The following JRKL variants were observed in gnomAD, a reference collection of about 807,000 sequenced individuals.
JRKL encodes JRK like, also known as jerky protein homolog-like.
JRKL carries 25 observed loss-of-function variants against 34.7 expected under a neutral mutation model. That is an observed-to-expected ratio of 0.72 (90% CI 0.53 to 1.01). The LOEUF (loss-of-function observed/expected upper bound fraction) is 1.01. Ranked by LOEUF, JRKL falls within the 50% of genes least tolerant of loss-of-function variation. JRKL has a pLI of 0.00. For missense variants in JRKL, 495 were observed against 615.7 expected (o/e 0.80, Z 2.07); for synonymous variants, 204 against 212.8 (o/e 0.96, Z 0.36).
In JRKL at chr11:96,390,758, AT is replaced by A; in HGVS notation, c.111del (p.Ile37MetfsTer9). The A allele has an allele frequency of 6.2e-7, 1 of 1,613,820 alleles. No individual in the cohort carries two copies. Among genetic ancestry groups the A allele is most frequent in the Non-Finnish European group, 8.5e-7 (1 of 1,179,962 alleles). ...SSKQLAVIYGIGETTVRDIRK... is the reference protein window; with the variant it reads ...SSKQLAVIYGXGETTVRDIRK... ...CAAACAACTGGCAGTGATTTATGGA[AT>A]TGGTGAAACAACAGTTCGGGATATA... is the stretch of plus-strand genomic sequence containing the variant. On this transcript the variant is annotated frameshift_variant, in exon 2 of 2. Transcript: ENST00000332349. LOFTEE classifies it low-confidence loss of function (END_TRUNC).
chr11:96,392,031 G>C lies in JRKL; in HGVS notation c.1382G>C (p.Ser461Thr), dbSNP rs141876302. ...GCACAAGGCCAGGCAGATGAATCCA[G>C]TGAAAATGAGGAGGAGGAAATAGAA... ...RRAQGQADES[S>T]ENEEEEIELI... is the part of the protein sequence containing the mutation. The change falls in exon 2 of 2, where the codon AGT becomes ACT. Residue 461 changes from serine (S) to threonine (T), a missense_variant. Physicochemically the swap from Ser to Thr is moderately conservative, Grantham distance 58. Coordinates refer to ENST00000332349, the MANE Select transcript of JRKL (RefSeq NM_001261833.2). 1 of 1,613,886 alleles carries C rather than the reference G, an allele frequency of 6.2e-7. No homozygotes were observed. Among genetic ancestry groups the C allele is most frequent in the Non-Finnish European group, 8.5e-7 (1 of 1,179,990 alleles).
chr11:96,391,528 T>C lies in JRKL; in HGVS notation c.879T>C (p.Asn293=). 2.6e-6 allele frequency: 4 copies of C among 1,555,262 alleles called. No homozygotes were observed. In the South Asian group the frequency reaches 4.7e-5, roughly 18 times the overall value. ...AAAAGGCTGTGCTCTTGTTGGATAA[T>C]TCACCAACACATCCAAATGAAAATG... ...LQEKAVLLLD[N]SPTHPNENVL... is the part of the protein sequence containing the mutation. Residue 293 remains asparagine, a synonymous_variant, in exon 2 of 2, where the codon AAT becomes AAC. Coordinates refer to ENST00000332349, the MANE Select transcript of JRKL (RefSeq NM_001261833.2).
In JRKL at chr11:96,391,499, C is replaced by A; in HGVS notation, c.850C>A (p.Gln284Lys). The A allele has an allele frequency of 6.4e-7, 1 of 1,552,352 alleles. No homozygotes were observed. Among genetic ancestry groups the A allele is most frequent in the South Asian group, 1.2e-5 (1 of 84,266 alleles). ...AGAGTATTTAAGATCTAAAGGCTTGCAGGAAAAGGCTGTGCTCTTGTTGGA... is the reference window on the plus strand; with the variant it reads ...AGAGTATTTAAGATCTAAAGGCTTGAAGGAAAAGGCTGTGCTCTTGTTGGA... ...VREYLRSKGL[Q>K]EKAVLLLDNS... Residue 284 changes from glutamine to lysine, a missense_variant, in exon 2 of 2, where the codon CAG becomes AAG. Transcript: ENST00000332349.
chr11:96,392,062 T>C lies in JRKL; in HGVS notation c.1413T>C (p.Ile471=), dbSNP rs777476818. The C allele has an allele frequency of 1.2e-6, 2 of 1,613,946 alleles. No homozygotes were observed. The highest frequency in any genetic ancestry group is 1.7e-6 in the Non-Finnish European group (2 of 1,179,990). ...ATGAGGAGGAGGAAATAGAACTAAT[T>C]CCAGAGAAACATATTAATCATGCAG... ...SENEEEEIEL[I]PEKHINHAAA... Residue 471 remains isoleucine (I), a synonymous_variant, in exon 2 of 2, where the codon ATT becomes ATC. Transcript: ENST00000332349.
rs559125732 is a variant in JRKL, at chr11:96,393,234, A to G, written c.*1010A>G. On this transcript the variant is annotated 3_prime_UTR_variant, in exon 2 of 2. Coordinates refer to ENST00000332349, the MANE Select transcript of JRKL (RefSeq NM_001261833.2). ...TTGATGAGAAAAGGAAATTACAATA[A>G]TAAAGTTTTATGATTTTAAATAAGT... The G allele has an allele frequency of 1.8e-5, 3 of 166,788 alleles. No homozygotes were observed. In the South Asian group the frequency reaches 6.2e-4, roughly 35 times the overall value. The allele number at this position is 166,788 out of a possible 1,614,324, so 10.3% of individuals were successfully genotyped here. A position where few individuals can be genotyped will look rare whatever the true frequency, so the allele number is the denominator to read the frequency against.
chr11:96,391,369 T>C lies in JRKL; in HGVS notation c.720T>C (p.Thr240=). The stretch of plus-strand genomic sequence containing the variant: ...AGAAACCTCGCTCCTTTAAATCAAC[T>C]GACACCTTAAACCTGCCAGTCTCTT... ...KAKKPRSFKS[T]DTLNLPVSYF... The change falls in exon 2 of 2, where the codon ACT becomes ACC. Residue 240 remains threonine (T), a synonymous_variant. Transcript: ENST00000332349. 1 of 1,551,692 alleles carries C rather than the reference T, an allele frequency of 6.4e-7. No individual in the cohort carries two copies. Among genetic ancestry groups the C allele is most frequent in the Non-Finnish European group, 8.7e-7 (1 of 1,146,992 alleles).
chr11:96,390,501 C>G lies in JRKL; in HGVS notation c.-149C>G, dbSNP rs1866497034. The G allele has an allele frequency of 1.9e-5, 18 of 961,188 alleles. 1 individual carries two copies. In the South Asian group the frequency reaches 4.0e-4, roughly 21 times the overall value. 59.5% of individuals were successfully genotyped at this position (961,188 alleles called of 1,614,324 possible). ...TCTGCAGTCTATTTGCCAGCCAACC[C>G]CAGCCCGGGAGGGGATCAGGGCCAC... On this transcript the variant is annotated 5_prime_UTR_variant, in exon 2 of 2. Transcript: ENST00000332349.
In JRKL at chr11:96,390,806, A is replaced by C; in HGVS notation, c.157A>C (p.Ile53Leu). The change falls in exon 2 of 2, where the codon ATA becomes CTA. Residue 53 changes from isoleucine to leucine, a missense_variant. Transcript: ENST00000332349. ...TATAAGAAAAAATAAGGAAAAGATT[A>C]TAACTTATGCAAGCAGTTCTGATTC... ...RDIRKNKEKI[I>L]TYASSSDSTS... 1 of 1,613,434 alleles carries C rather than the reference A, an allele frequency of 6.2e-7. No individual in the cohort carries two copies. The highest frequency in any genetic ancestry group is 8.5e-7 in the Non-Finnish European group (1 of 1,179,838).
In JRKL at chr11:96,390,527, C is replaced by A; in HGVS notation, c.-123C>A. 1 of 1,299,548 alleles carries A rather than the reference C, an allele frequency of 7.7e-7. No individual in the cohort carries two copies. Among genetic ancestry groups the A allele is most frequent in the South Asian group, 1.7e-5 (1 of 57,946 alleles). The allele number at this position is 1,299,548 out of a possible 1,614,324, so 80.5% of individuals were successfully genotyped here. A position where few individuals can be genotyped will look rare whatever the true frequency, so the allele number is the denominator to read the frequency against. ...CAGCCCGGGAGGGGATCAGGGCCAC[C>A]AGGTTGCTGGTAAGGATGAAAGACT... is the stretch of plus-strand genomic sequence containing the variant. On this transcript the variant is annotated 5_prime_UTR_variant, in exon 2 of 2. Coordinates refer to ENST00000332349, the MANE Select transcript of JRKL (RefSeq NM_001261833.2).
Position 96,391,127 on chromosome 11 carries a change from C to G in JRKL, c.478C>G (p.Arg160Gly). The change falls in exon 2 of 2, where the codon CGA becomes GGA. Residue 160 changes from arginine to glycine, a missense_variant. By Grantham distance (125) the Arg-to-Gly change is moderately radical (BLOSUM62 -2). Transcript: ENST00000332349. ...TAVEDFCNNF[R>G]DFIERENLQP... is the part of the protein sequence containing the mutation. ...GGTGGAAGATTTTTGTAATAACTTT[C>G]GAGATTTTATTGAACGAGAGAATTT... 1.2e-6 allele frequency: 2 copies of G among 1,612,020 alleles called. No homozygotes were observed. The highest frequency in any genetic ancestry group is 1.7e-6 in the Non-Finnish European group (2 of 1,178,774).
Position 96,393,301 on chromosome 11 carries a change from T to C in JRKL, c.*1077T>C, listed in dbSNP as rs577389382. Reference sequence around the variant, plus strand: ...GTTTTATGAAGAAAGCAGAAATAATTACTGAAAGTGCCAGACACTAAGGAA... The same window carrying C: ...GTTTTATGAAGAAAGCAGAAATAATCACTGAAAGTGCCAGACACTAAGGAA... On this transcript the variant is annotated 3_prime_UTR_variant, in exon 2 of 2. Coordinates refer to ENST00000332349, the MANE Select transcript of JRKL (RefSeq NM_001261833.2). 1 of 167,020 alleles carries C rather than the reference T, an allele frequency of 6.0e-6. No homozygotes were observed. The highest frequency in any genetic ancestry group is 2.1e-4 in the South Asian group (1 of 4,828). 10.3% of individuals were successfully genotyped at this position (167,020 alleles called of 1,614,324 possible).
rs959407352 is a variant in JRKL at position 96,392,769 on chromosome 11, C to T, written c.*545C>T. On this transcript the variant is annotated 3_prime_UTR_variant, in exon 2 of 2. Transcript: ENST00000332349. Reference sequence around the variant, plus strand: ...TAGAAATTATGCCTTCATTCTCTTACATTTGTGTGGGTTGCAAGAGGGGGA... The same window carrying T: ...TAGAAATTATGCCTTCATTCTCTTATATTTGTGTGGGTTGCAAGAGGGGGA... 2.4e-5 allele frequency: 4 copies of T among 166,932 alleles called. No individual in the cohort carries two copies. The highest frequency in any genetic ancestry group is 9.7e-5 in the African/African-American group (4 of 41,410). 10.3% of individuals were successfully genotyped at this position (166,932 alleles called of 1,614,324 possible).
chr11:96,390,584 G>C lies in JRKL; in HGVS notation c.-66G>C, dbSNP rs1866499869. On this transcript the variant is annotated 5_prime_UTR_variant, in exon 2 of 2. Coordinates refer to ENST00000332349, the MANE Select transcript of JRKL (RefSeq NM_001261833.2). ...GTTAAGACTGTTGAAGTGAGCCTGTGTAAGAGAAGGAAGGATTTTGTGGAT... is the reference window on the plus strand; with the variant it reads ...GTTAAGACTGTTGAAGTGAGCCTGTCTAAGAGAAGGAAGGATTTTGTGGAT... The C allele has an allele frequency of 4.6e-6, 7 of 1,527,722 alleles. No homozygotes were observed. The highest frequency in any genetic ancestry group is 6.1e-6 in the Non-Finnish European group (7 of 1,144,616). 94.6% of individuals were successfully genotyped at this position (1,527,722 alleles called of 1,614,324 possible).
At position 96,392,018 on chromosome 11, in the gene JRKL, G is replaced by A. The variant is rs765903823; in HGVS notation, c.1369G>A (p.Ala457Thr). 1 of 1,614,002 alleles carries A rather than the reference G, an allele frequency of 6.2e-7. No homozygotes were observed. Among genetic ancestry groups the A allele is most frequent in the East Asian group, 2.2e-5 (1 of 44,882 alleles). The change falls in exon 2 of 2, where the codon GCA (alanine) becomes ACA (threonine). Residue 457 changes from alanine to threonine, a missense_variant. By Grantham distance (58) the Ala-to-Thr change is moderately conservative. Coordinates refer to ENST00000332349, the MANE Select transcript of JRKL (RefSeq NM_001261833.2). ...AATCATCAGAAGAGCACAAGGCCAG[G>A]CAGATGAATCCAGTGAAAATGAGGA... ...SEIIRRAQGQ[A>T]DESSENEEEE...
rs2136244596 is a variant in JRKL at position 96,391,883 on chromosome 11, G to A, written c.1234G>A (p.Ala412Thr). ...VEDISVATVAAILQHTKGLEN... is the reference protein window; with the variant it reads ...VEDISVATVATILQHTKGLEN... ...AGATATTTCTGTGGCTACTGTGGCT[G>A]CCATTTTACAACACACCAAAGGATT... Residue 412 changes from alanine (A) to threonine (T), a missense_variant, in exon 2 of 2, where the codon GCC (alanine) becomes ACC (threonine). Transcript: ENST00000332349. The A allele has an allele frequency of 1.2e-6, 2 of 1,614,174 alleles. No individual in the cohort carries two copies. Among genetic ancestry groups the A allele is most frequent in the Non-Finnish European group, 8.5e-7 (1 of 1,180,014 alleles).
chr11:96,391,693 A>C lies in JRKL; in HGVS notation c.1044A>C (p.Glu348Asp). ...CAGGTCTTCTCCAGAACAACTTGGAAGAAGGTAATGACCTGAAATCATTCT... is the reference window on the plus strand; with the variant it reads ...CAGGTCTTCTCCAGAACAACTTGGACGAAGGTAATGACCTGAAATCATTCT... The part of the protein sequence containing the change: ...YRAGLLQNNL[E>D]EGNDLKSFWK... The change falls in exon 2 of 2, where the codon GAA (glutamate) becomes GAC (aspartate). Residue 348 changes from glutamate (E) to aspartate (D), a missense_variant. Coordinates refer to ENST00000332349, the MANE Select transcript of JRKL (RefSeq NM_001261833.2). 1 of 1,614,220 alleles carries C rather than the reference A, an allele frequency of 6.2e-7. No individual in the cohort carries two copies. The highest frequency in any genetic ancestry group is 8.5e-7 in the Non-Finnish European group (1 of 1,180,028).
rs1196420492 is a variant in JRKL at position 96,392,653 on chromosome 11, T to A, written c.*429T>A. The A allele has an allele frequency of 2.4e-5, 4 of 167,922 alleles. No homozygotes were observed. The highest frequency in any genetic ancestry group is 1.9e-4 in the Admixed American group (3 of 15,442). The allele number at this position is 167,922 out of a possible 1,614,324, so 10.4% of individuals were successfully genotyped here. On this transcript the variant is annotated 3_prime_UTR_variant, in exon 2 of 2. Coordinates refer to ENST00000332349, the MANE Select transcript of JRKL (RefSeq NM_001261833.2). ...TGTTTTGTATATTTTAATAGACTGATAGGATGAGAAAGATTTATATTATTA... is the reference window on the plus strand; with the variant it reads ...TGTTTTGTATATTTTAATAGACTGAAAGGATGAGAAAGATTTATATTATTA...
chr11:96,391,222 A>G lies in JRKL; in HGVS notation c.573A>G (p.Ser191=). The change falls in exon 2 of 2, where the codon TCA becomes TCG. Residue 191 remains serine, a synonymous_variant. Coordinates refer to ENST00000332349, the MANE Select transcript of JRKL (RefSeq NM_001261833.2). ...GGAAGTGCTTGCCTTCTAGGATTTC[A>G]GTAATCAAAGGTAAATGCACTGTCC... ...LFWKCLPSRI[S]VIKGKCTVPG... The G allele has an allele frequency of 6.4e-7, 1 of 1,552,648 alleles. No homozygotes were observed.
Position 96,392,208 on chromosome 11 carries a change from C to T in JRKL, c.1559C>T (p.Thr520Ile), listed in dbSNP as rs955605175. 6.3e-7 allele frequency: 1 copy of T among 1,581,630 alleles called. No individual in the cohort carries two copies. The highest frequency in any genetic ancestry group is 8.6e-7 in the Non-Finnish European group (1 of 1,165,250). ...RATIRNKQKM[T>I]KSSQ ...ACCATCAGAAATAAACAGAAGATGA[C>T]AAAGTCAAGTCAATAATGTCATTTC... The change falls in exon 2 of 2, where the codon ACA becomes ATA. Residue 520 changes from threonine to isoleucine, a missense_variant. Thr to Ile is a moderately conservative substitution (Grantham distance 89). Coordinates refer to ENST00000332349, the MANE Select transcript of JRKL (RefSeq NM_001261833.2).
Sources: gnomAD v4.1 joint callset for allele counts on GRCh38, gnomAD v4.1.1 for gene constraint, MANE v1.5 for transcripts, NCBI Gene and HGNC (gene_info 2026-07-23, HGNC 2026-07-21) for gene names.